BAZ2B: variants seen among roughly 807,000 people sequenced by gnomAD.
The protein encoded by BAZ2B is bromodomain adjacent to zinc finger domain protein 2B.
BAZ2B carries 91 observed loss-of-function variants against 246.0 expected under a neutral mutation model. The ratio of observed to expected loss-of-function variants is 0.37; its 90% CI spans 0.31 to 0.44. The LOEUF (loss-of-function observed/expected upper bound fraction) is 0.44, where lower values mean the gene tolerates loss of function less well. BAZ2B is among the 20% of genes least tolerant of loss of function. The probability of loss-of-function intolerance (pLI) is 1.00; values close to 1 mark genes in which losing one functional copy is unlikely to be tolerated. For missense variants in BAZ2B, 2,332 were observed against 2,533.7 expected (o/e 0.92, Z 1.71); for synonymous variants, 855 against 860.0 (o/e 0.99, Z 0.10).
intron 1 of BAZ2B, among the ~76,000 whole-genome samples, chr2:159,613,878 GATAA>G (rs1044637554): frequency 3.3e-5 from 5 of 152,204 alleles, no homozygotes; most frequent in African/African-American, 1.2e-4. Context: ...CAAATTCCTG[GATAA>G]ATAGATAACA....
intron 6 of BAZ2B, among the ~76,000 whole-genome samples, chr2:159,442,043 A>G (rs188271010): frequency 4.0e-4 from 61 of 152,356 alleles, no homozygotes; most frequent in Admixed American, 1.2e-3. Context: ...GCCTAGTGAG[A>G]ACTAGAAGAA....
intron 25 of BAZ2B, 49 bp from the exon 26 acceptor site, chr2:159,374,802 A>G (rs1427205576): frequency 6.6e-7 from 1 of 1,523,768 alleles, no homozygotes; most frequent in East Asian, 2.3e-5. Flanking sequence ...AGATTTATTT[A>G]TTCAATCAGT....
At chr2:159,597,087 TTCTTGC>T (rs1285872496) in intron 1 of BAZ2B, among the ~76,000 whole-genome samples, 1 of 152,220 alleles carries the variant, frequency 6.6e-6, no homozygotes, top group Non-Finnish European at 1.5e-5. Flanking sequence ...ATTATGGCCA[TTCTTGC>T]ATAAGTAAGG....
At chr2:159,575,066 G>A (rs150427049) in intron 1 of BAZ2B, among the ~76,000 whole-genome samples, 287 of 152,316 alleles carry the variant, frequency 1.9e-3, no homozygotes, top group African/African-American at 6.6e-3. Context: ...TATGTTACAT[G>A]ACAGAAGCCA....
intron 2 of BAZ2B, among the ~76,000 whole-genome samples, chr2:159,551,621 G>A (rs948479471): frequency 5.3e-5 from 8 of 152,010 alleles, no homozygotes; most frequent in African/African-American, 1.7e-4. Flanking sequence ...GCAAAAATAC[G>A]CTCAGAGAAG....
At chr2:159,419,857 G>A (rs770509483) in intron 13 of BAZ2B, 12 of 152,182 alleles carry the variant, frequency 7.9e-5, no homozygotes, top group Non-Finnish European at 1.8e-4. Flanking sequence ...GTCCATTCGT[G>A]CCCACGGCTA....
At chr2:159,554,568 C>T (rs1388554908) in intron 2 of BAZ2B, among the ~76,000 whole-genome samples, 3 of 150,780 alleles carry the variant, frequency 2.0e-5, no homozygotes, top group Non-Finnish European at 4.4e-5. Flanking sequence ...CTAGTCTCTG[C>T]AAAATGTTAA....
intron 1 of BAZ2B, among the ~76,000 whole-genome samples, chr2:159,579,259 C>G (rs1243277471): frequency 1.3e-5 from 2 of 152,068 alleles, no homozygotes; most frequent in African/African-American, 2.4e-5. Flanking sequence ...ACCGATCCCC[C>G]AGAAATACAA....
At chr2:159,466,726 C>T (rs73967881) in intron 3 of BAZ2B, among the ~76,000 whole-genome samples, 4,189 of 152,164 alleles carry the variant, frequency 0.028, 171 homozygotes, top group African/African-American at 0.094. Flanking sequence ...TTCTGAGAAC[C>T]GAAGGGCTGA....
chr2:159,535,013 T>C (rs1048031258), intron 2 of BAZ2B, among the ~76,000 whole-genome samples: 2 of 151,556 alleles, frequency 1.3e-5, no homozygotes, highest in African/African-American at 4.9e-5. Context: ...ATTTCTTCCA[T>C]TAAAATAAGT....
chr2:159,598,208 G>T (rs903409660), intron 1 of BAZ2B, among the ~76,000 whole-genome samples: 9 of 151,998 alleles, frequency 5.9e-5, no homozygotes, highest in African/African-American at 2.2e-4. Flanking sequence ...TGGCCAGGCT[G>T]GTCTTGAACT....
the BAZ2B span, among the ~76,000 whole-genome samples, chr2:159,666,549 C>T: frequency 6.6e-6 from 1 of 152,172 alleles, no homozygotes; most frequent in African/African-American, 2.4e-5. Flanking sequence ...CATGTGCAAC[C>T]ATGCCCAGCT....
chr2:159,344,668 C>T (rs1575818872), intron 31 of BAZ2B, among the ~76,000 whole-genome samples: 1 of 152,010 alleles, frequency 6.6e-6, no homozygotes, highest in East Asian at 1.9e-4. Flanking sequence ...GGCATGTATA[C>T]ACAACAGAAT....
intron 2 of BAZ2B, among the ~76,000 whole-genome samples, chr2:159,488,870 G>T (rs527890398): frequency 1.3e-5 from 2 of 152,110 alleles, no homozygotes; most frequent in Admixed American, 6.5e-5. Flanking sequence ...TCCAGAAGAA[G>T]TGAATTAGTC....
At chr2:159,634,513 T>C in the BAZ2B span, among the ~76,000 whole-genome samples, 699 of 152,322 alleles carry the variant, frequency 4.6e-3, 1 homozygote, top group Non-Finnish European at 7.1e-3. Flanking sequence ...ATATTATACA[T>C]TGTTGATATT....
rs191489839 is a variant in BAZ2B at position 159,449,587 on chromosome 2, T to C, written c.335-1178A>G. 3.0e-3 allele frequency among the ~76,000 whole-genome samples: 455 copies of C among 152,298 alleles called. 5 individuals carry two copies. The highest frequency in any genetic ancestry group is 5.5e-3 in the Non-Finnish European group (372 of 68,022). On this transcript the variant is annotated intron_variant, in intron 4 of 36. Coordinates refer to ENST00000392783, the MANE Select transcript of BAZ2B (RefSeq NM_013450.4). ...GTGAAATTTTCATGGTAGCTGCCAG[T>C]CTCAAAGGTCTAAAAAACAGTATAA...
intron 31 of BAZ2B, among the ~76,000 whole-genome samples, chr2:159,344,884 C>T (rs1235654015): frequency 1.3e-5 from 2 of 151,652 alleles, no homozygotes; most frequent in Non-Finnish European, 2.9e-5. Context: ...AAAGTGGGGG[C>T]AGGGAGGGAT....
At chr2:159,373,574 T>G (rs890016067) in intron 26 of BAZ2B, among the ~76,000 whole-genome samples, 1 of 152,192 alleles carries the variant, frequency 6.6e-6, no homozygotes, top group South Asian at 2.1e-4. Context: ...CTCATGCCTG[T>G]AATCCCAGCA....
At chr2:159,455,775 T>TG (rs929607607) in intron 3 of BAZ2B, among the ~76,000 whole-genome samples, 3 of 146,870 alleles carry the variant, frequency 2.0e-5, no homozygotes, top group African/African-American at 7.4e-5. Context: ...TTTTTTTTTT[T>TG]TTTTTTTTTT....
Sources: allele counts gnomAD v4.1 joint callset (sites outside exome capture counted in the v4.1 genomes callset), GRCh38; gene constraint gnomAD v4.1.1; transcripts MANE v1.5; gene names NCBI Gene and HGNC (gene_info 2026-07-23, HGNC 2026-07-21).